The following RORA variants were observed in gnomAD, a reference collection of about 807,000 sequenced individuals.
RORA encodes the protein nuclear receptor ROR-alpha.
Under a neutral mutation model 69.5 loss-of-function variants are expected in RORA, and 7 were observed. The observed-to-expected ratio is 0.10, with a 90% CI of 0.06 to 0.19. RORA has a LOEUF of 0.19. RORA is among the 10% of genes least tolerant of loss of function. The pLI is 1.00. For missense variants in RORA, 457 were observed against 663.0 expected (o/e 0.69, Z 3.41); for synonymous variants, 261 against 240.8 (o/e 1.08, Z -0.78).
chr15:60,627,242 T>C, intron 2 of RORA: 1 of 1,614,210 alleles, frequency 6.2e-7, no homozygotes, highest in Non-Finnish European at 8.5e-7. Flanking sequence ...TCTTACCTTC[T>C]GGCTCCTTCA....
intron 1 of RORA, among the ~76,000 whole-genome samples, chr15:61,069,615 G>A (rs1331923832): frequency 1.3e-4 from 20 of 151,756 alleles, no homozygotes; most frequent in Admixed American, 1.1e-3. Context: ...AAAACCCCAC[G>A]GACCCAGTTC....
At chr15:61,092,493 A>G (rs1485953220) in intron 1 of RORA, among the ~76,000 whole-genome samples, 1 of 152,204 alleles carries the variant, frequency 6.6e-6, no homozygotes, top group East Asian at 1.9e-4. Flanking sequence ...TATAAATCAG[A>G]TATGCTACTC....
At chr15:60,589,872 T>C (rs1470907450) in intron 2 of RORA, among the ~76,000 whole-genome samples, 2 of 152,218 alleles carry the variant, frequency 1.3e-5, no homozygotes, top group Non-Finnish European at 2.9e-5. Flanking sequence ...AAAAGCTATA[T>C]TGTAAACAGT....
At chr15:60,814,336 T>C (rs1446305729) in intron 1 of RORA, among the ~76,000 whole-genome samples, 1 of 152,160 alleles carries the variant, frequency 6.6e-6, no homozygotes, top group Non-Finnish European at 1.5e-5. Flanking sequence ...ATGCTAAGGA[T>C]GCTGATTTTG....
chr15:60,500,032 G>A, intron 9 of RORA, 28 bp from the exon 10 acceptor site: 1 of 1,367,948 alleles, frequency 7.3e-7, no homozygotes, highest in Non-Finnish European at 1.0e-6. Flanking sequence ...ATATTCTTTA[G>A]CATTCCTCTG....
intron 1 of RORA, among the ~76,000 whole-genome samples, chr15:60,850,319 T>C (rs543850351): frequency 2.6e-5 from 4 of 152,178 alleles, no homozygotes; most frequent in South Asian, 2.1e-4. Flanking sequence ...TCCTCATCCA[T>C]GACTCAACCC....
chr15:60,986,274 C>T (rs1351090003), intron 1 of RORA, among the ~76,000 whole-genome samples: 2 of 152,170 alleles, frequency 1.3e-5, no homozygotes, highest in African/African-American at 4.8e-5. Flanking sequence ...GCTGGGACTA[C>T]AGGTGCACAC....
rs1421788120 is a variant in RORA at position 60,542,651 on chromosome 15, G to T, written c.197-10800C>A. Among the ~76,000 whole-genome samples, 151 of 103,764 alleles carry T rather than the reference G, an allele frequency of 1.5e-3. 14 individuals carry two copies. The highest frequency in any genetic ancestry group is 7.6e-3 in the African/African-American group (146 of 19,146). 68.1% of individuals were successfully genotyped at this position (103,764 alleles called of 152,430 possible). The stretch of plus-strand genomic sequence containing the variant: ...ATGCACACCTCACACACGACACACG[G>T]GCACACCTCACACACATGGCACACG... On this transcript the variant is annotated intron_variant, in intron 2 of 10. Coordinates refer to ENST00000335670, the MANE Select transcript of RORA (RefSeq NM_134261.3).
At chr15:60,827,985 T>C (rs1254221995) in intron 1 of RORA, among the ~76,000 whole-genome samples, 1 of 152,220 alleles carries the variant, frequency 6.6e-6, no homozygotes, top group Non-Finnish European at 1.5e-5. Context: ...CTGGATGAAG[T>C]AAGACAGATT....
intron 5 of RORA, among the ~76,000 whole-genome samples, chr15:60,507,938 C>T (rs2065566211): frequency 6.6e-6 from 1 of 152,132 alleles, no homozygotes; most frequent in Non-Finnish European, 1.5e-5. Context: ...TTTAAAACAG[C>T]CAATAAAAAG....
At chr15:60,783,606 G>A (rs990570555) in intron 1 of RORA, among the ~76,000 whole-genome samples, 15 of 152,166 alleles carry the variant, frequency 9.9e-5, no homozygotes, top group African/African-American at 3.6e-4. Flanking sequence ...GGCTTAAAAC[G>A]TCGCATCCTT....
At chr15:60,894,975 G>A (rs1891192525) in intron 1 of RORA, among the ~76,000 whole-genome samples, 1 of 152,166 alleles carries the variant, frequency 6.6e-6, no homozygotes, top group African/African-American at 2.4e-5. Context: ...TCCTCCAGCT[G>A]CTACAGTCAC....
At chr15:61,087,462 T>C (rs143843774) in intron 1 of RORA, among the ~76,000 whole-genome samples, 2 of 152,336 alleles carry the variant, frequency 1.3e-5, no homozygotes, top group African/African-American at 4.8e-5. Flanking sequence ...TAACAAACTT[T>C]TGAGAGCCTA....
intron 1 of RORA, among the ~76,000 whole-genome samples, chr15:60,974,631 C>T (rs1181660366): frequency 2.6e-5 from 4 of 152,140 alleles, no homozygotes; most frequent in East Asian, 1.9e-4. Flanking sequence ...ATTCATTCCA[C>T]GTGCACTGAG....
At chr15:60,928,964 A>T (rs557651253) in intron 1 of RORA, among the ~76,000 whole-genome samples, 2 of 151,526 alleles carry the variant, frequency 1.3e-5, no homozygotes, top group African/African-American at 2.4e-5. Context: ...TTCTTTTTTT[A>T]ATCTTGAATT....
intron 1 of RORA, among the ~76,000 whole-genome samples, chr15:60,784,856 T>A (rs2072314136): frequency 6.6e-6 from 1 of 152,146 alleles, no homozygotes; most frequent in African/African-American, 2.4e-5. Context: ...GTGTGAAGGG[T>A]CATGTGAAAG....
chr15:60,928,698 G>A (rs760384337), intron 1 of RORA, among the ~76,000 whole-genome samples: 7 of 152,124 alleles, frequency 4.6e-5, no homozygotes, highest in East Asian at 1.9e-4. Context: ...CAAAGTGACC[G>A]CCCTAAAGTC....
intron 2 of RORA, among the ~76,000 whole-genome samples, chr15:60,636,265 TC>T (rs2069838049): frequency 6.6e-6 from 1 of 152,216 alleles, no homozygotes; most frequent in Admixed American, 6.5e-5. Flanking sequence ...ATCCCATCTT[TC>T]TATTCCTAGA....
intron 4 of RORA, among the ~76,000 whole-genome samples, chr15:60,513,391 G>T (rs1446024629): frequency 2.0e-5 from 3 of 152,140 alleles, no homozygotes; most frequent in African/African-American, 7.2e-5. Context: ...CACTCAAGGG[G>T]CCTAATACCC....
Sources: allele counts gnomAD v4.1 joint callset (sites outside exome capture counted in the v4.1 genomes callset), GRCh38; gene constraint gnomAD v4.1.1; transcripts MANE v1.5; gene names NCBI Gene and HGNC (gene_info 2026-07-23, HGNC 2026-07-21).